Variants in ITCH observed in about 807,000 individuals in gnomAD.
The protein encoded by ITCH is E3 ubiquitin-protein ligase Itchy homolog.
Under a neutral mutation model 126.8 loss-of-function variants are expected in ITCH, and 28 were observed. The ratio of observed to expected loss-of-function variants is 0.22; its 90% CI spans 0.16 to 0.30. The LOEUF is 0.30. Ranked by LOEUF, ITCH falls within the 10% of genes least tolerant of loss-of-function variation. The pLI is 1.00. For synonymous variants in ITCH, 342 were observed against 340.0 expected (o/e 1.01, Z -0.06); for missense variants, 631 against 1,032.4 (o/e 0.61, Z 5.33).
intron 21 of ITCH, 64 bp from the exon 22 acceptor site, chr20:34,489,758 T>C: frequency 9.4e-7 from 1 of 1,064,714 alleles, no homozygotes; most frequent in Non-Finnish European, 1.5e-6. Context: ...TCTTAGTCTT[T>C]CCTATGTCCA....
chr20:34,385,020 AT>A (rs972288487), intron 2 of ITCH, among the ~76,000 whole-genome samples: 78 of 137,864 alleles, frequency 5.7e-4, no homozygotes, highest in East Asian at 1.5e-3. Flanking sequence ...AAACAAGAAA[AT>A]TTTTTTTTTT....
intron 2 of ITCH, among the ~76,000 whole-genome samples, chr20:34,385,790 A>G (rs929453924): frequency 6.6e-6 from 1 of 152,072 alleles, no homozygotes; most frequent in African/African-American, 2.4e-5. Context: ...ATTTGGTTGG[A>G]AAGTGGGAAA....
At chr20:34,416,068 G>A (rs971096265) in intron 6 of ITCH, among the ~76,000 whole-genome samples, 1 of 151,502 alleles carries the variant, frequency 6.6e-6, no homozygotes, top group Non-Finnish European at 1.5e-5. Context: ...GTTGCAGTGA[G>A]CCAAGATAGT....
intron 2 of ITCH, among the ~76,000 whole-genome samples, chr20:34,378,624 A>G (rs1002270897): frequency 9.9e-5 from 15 of 152,234 alleles, no homozygotes; most frequent in Non-Finnish European, 1.8e-4. Flanking sequence ...GTAGGGTCAA[A>G]TGAGCTAAAT....
chr20:34,390,622 G>T (rs1601786697), intron 2 of ITCH, among the ~76,000 whole-genome samples: 1 of 151,668 alleles, frequency 6.6e-6, no homozygotes, highest in East Asian at 1.9e-4. Context: ...GCTAATGTTT[G>T]TATTTTTAGT....
chr20:34,372,384 CT>C (rs779017298), intron 2 of ITCH, among the ~76,000 whole-genome samples: 70 of 93,122 alleles, frequency 7.5e-4, no homozygotes, highest in East Asian at 1.1e-3. Context: ...TTAAGTTCTA[CT>C]TTTTTTTTTT....
At chr20:34,410,222 G>A (rs918548151) in intron 4 of ITCH, among the ~76,000 whole-genome samples, 11 of 151,950 alleles carry the variant, frequency 7.2e-5, no homozygotes, top group African/African-American at 2.7e-4. Flanking sequence ...ACAAAAATTA[G>A]CTGGGTGTGG....
intron 23 of ITCH, among the ~76,000 whole-genome samples, chr20:34,500,590 G>A (rs1173014286): frequency 6.6e-6 from 1 of 152,130 alleles, no homozygotes; most frequent in Non-Finnish European, 1.5e-5. Context: ...GGCAGCATAT[G>A]ATAGTTGGGT....
intron 7 of ITCH, among the ~76,000 whole-genome samples, chr20:34,436,724 G>A (rs1002616192): frequency 6.6e-6 from 1 of 152,214 alleles, no homozygotes; most frequent in Non-Finnish European, 1.5e-5. Context: ...TGAAGATTGT[G>A]CATTTCTGAC....
At chr20:34,376,501 A>G (rs911977862) in intron 2 of ITCH, among the ~76,000 whole-genome samples, 2 of 152,046 alleles carry the variant, frequency 1.3e-5, no homozygotes, top group Non-Finnish European at 2.9e-5. Flanking sequence ...CAATACCTCA[A>G]AGCAGTCTAG....
chr20:34,508,267 G>A lies in ITCH; in HGVS notation c.*473G>A, dbSNP rs1311204838. ...GGGGATGTGAGCAAAATTCGGGCTT[G>A]TGTTCTCCCTCTCATTTTAGTCTGA... On this transcript the variant is annotated 3_prime_UTR_variant, in exon 25 of 25. Transcript: ENST00000374864. 2 of 183,806 alleles carry A rather than the reference G, an allele frequency of 1.1e-5. No homozygotes were observed. The highest frequency in any genetic ancestry group is 1.2e-5 in the Non-Finnish European group (1 of 85,634). The allele number at this position is 183,806 out of a possible 1,614,324, so 11.4% of individuals were successfully genotyped here. A position where few individuals can be genotyped will look rare whatever the true frequency, so the allele number is the denominator to read the frequency against.
intron 2 of ITCH, among the ~76,000 whole-genome samples, chr20:34,383,397 G>C (rs1043377703): frequency 1.2e-4 from 15 of 124,018 alleles, no homozygotes; most frequent in Non-Finnish European, 5.0e-5. Flanking sequence ...ACAGAGTTTT[G>C]CTCTTGTTGC....
intron 6 of ITCH, among the ~76,000 whole-genome samples, chr20:34,416,473 T>C (rs1484574559): frequency 1.3e-5 from 2 of 152,204 alleles, no homozygotes; most frequent in Non-Finnish European, 2.9e-5. Context: ...TCAGTTTCAC[T>C]TTCACTCCAA....
chr20:34,403,750 A>G (rs897444210), intron 3 of ITCH, among the ~76,000 whole-genome samples: 1 of 152,186 alleles, frequency 6.6e-6, no homozygotes, highest in African/African-American at 2.4e-5. Context: ...GAAGCCTTTA[A>G]TCAAAGAGAA....
chr20:34,403,745 C>A (rs1198819756), intron 3 of ITCH, among the ~76,000 whole-genome samples: 1 of 151,958 alleles, frequency 6.6e-6, no homozygotes, highest in Non-Finnish European at 1.5e-5. Context: ...TTAAAGAAGC[C>A]TTTAATCAAA....
At chr20:34,369,302 T>C (rs369388908) in intron 1 of ITCH, 92 bp from the exon 2 acceptor site, 16 of 388,156 alleles carry the variant, frequency 4.1e-5, no homozygotes, top group Middle Eastern at 6.4e-4. Context: ...CACTGCACTC[T>C]AGCCTGGCGA....
At chr20:34,391,126 T>C (rs374171320) in intron 2 of ITCH, among the ~76,000 whole-genome samples, 4 of 152,306 alleles carry the variant, frequency 2.6e-5, no homozygotes, top group African/African-American at 9.6e-5. Context: ...GGGGAGAGGA[T>C]GGGACTTGAA....
At chr20:34,404,547 G>A (rs1478928287) in intron 3 of ITCH, among the ~76,000 whole-genome samples, 1 of 151,380 alleles carries the variant, frequency 6.6e-6, no homozygotes, top group African/African-American at 2.4e-5. Context: ...AGCCTCCTGA[G>A]TAGCTGGGAT....
intron 2 of ITCH, among the ~76,000 whole-genome samples, chr20:34,386,102 T>TG (rs202073732): frequency 9.7e-4 from 147 of 152,142 alleles, no homozygotes; most frequent in African/African-American, 3.1e-3. Context: ...TTTGTTTTTT[T>TG]TTTTGTTTTG....
Sources: gnomAD v4.1 joint callset for allele counts (sites outside exome capture counted in the v4.1 genomes callset) on GRCh38, gnomAD v4.1.1 for gene constraint, MANE v1.5 for transcripts, NCBI Gene and HGNC (gene_info 2026-07-23, HGNC 2026-07-21) for gene names.